MAGI2: variants seen among roughly 807,000 people sequenced by gnomAD.
MAGI2 encodes membrane associated guanylate kinase, WW and PDZ domain containing 2, also known as membrane-associated guanylate kinase, WW and PDZ domain-containing protein 2.
In MAGI2, 35 loss-of-function variants were observed where a neutral mutation model predicts 133.3. The ratio of observed to expected loss-of-function variants is 0.26; its 90% CI spans 0.20 to 0.35. MAGI2 has a LOEUF of 0.35. MAGI2 is among the 10% of genes least tolerant of loss of function. The pLI is 1.00. For synonymous variants in MAGI2, 729 were observed against 710.6 expected, an observed-to-expected ratio of 1.03 and a Z score of -0.41; for missense variants, 1,636 against 1,863.4, an observed-to-expected ratio of 0.88 and a Z score of 2.25.
chr7:78,151,507 G>C (rs946684195), intron 16 of MAGI2, among the ~76,000 whole-genome samples: 2 of 152,100 alleles, frequency 1.3e-5, no homozygotes, highest in Non-Finnish European at 2.9e-5. Flanking sequence ...GGAGAACAAG[G>C]GTTTTGCAAC....
intron 2 of MAGI2, among the ~76,000 whole-genome samples, chr7:78,719,934 A>G (rs1820102025): frequency 6.6e-6 from 1 of 152,162 alleles, no homozygotes; most frequent in Non-Finnish European, 1.5e-5. Flanking sequence ...TATATAATTT[A>G]TCATCTATAA....
chr7:78,691,357 A>G (rs1370109705), intron 2 of MAGI2, among the ~76,000 whole-genome samples: 1 of 152,204 alleles, frequency 6.6e-6, no homozygotes, highest in Non-Finnish European at 1.5e-5. Flanking sequence ...TTACTCCCAG[A>G]GTTTATTGCA....
intron 1 of MAGI2, among the ~76,000 whole-genome samples, chr7:79,288,216 T>G (rs761459432): frequency 6.6e-6 from 1 of 152,158 alleles, no homozygotes; most frequent in African/African-American, 2.4e-5. Flanking sequence ...CACTAACACA[T>G]GTAGTCTTGC....
At chr7:79,403,353 A>G (rs1326278587) in intron 1 of MAGI2, among the ~76,000 whole-genome samples, 1 of 152,110 alleles carries the variant, frequency 6.6e-6, no homozygotes. Context: ...ATCAGCTGTT[A>G]GTTTTTTGAA....
intron 1 of MAGI2, among the ~76,000 whole-genome samples, chr7:79,439,644 C>A (rs1848373738): frequency 6.6e-6 from 1 of 152,096 alleles, no homozygotes; most frequent in South Asian, 2.1e-4. Context: ...CAGGACCCAG[C>A]TTTAGCATGA....
intron 6 of MAGI2, among the ~76,000 whole-genome samples, chr7:78,384,511 A>G (rs1795206132): frequency 6.6e-6 from 1 of 152,214 alleles, no homozygotes; most frequent in African/African-American, 2.4e-5. Flanking sequence ...TGTCATAGGC[A>G]TAATTCATCA....
intron 1 of MAGI2, among the ~76,000 whole-genome samples, chr7:79,435,017 T>C (rs960048137): frequency 6.6e-6 from 1 of 152,218 alleles, no homozygotes; most frequent in African/African-American, 2.4e-5. Context: ...GCATCAGCTC[T>C]TCCTGGCTTT....
intron 7 of MAGI2, among the ~76,000 whole-genome samples, chr7:78,362,158 C>T (rs1447271725): frequency 1.3e-5 from 2 of 151,882 alleles, no homozygotes; most frequent in African/African-American, 4.8e-5. Flanking sequence ...AAAAATTAAC[C>T]GAGTGTGGTA....
chr7:78,711,419 G>A (rs1819177398), intron 2 of MAGI2, among the ~76,000 whole-genome samples: 2 of 152,068 alleles, frequency 1.3e-5, no homozygotes, highest in South Asian at 2.1e-4. Context: ...TGTAAAATGG[G>A]GGCAGGAATA....
At chr7:78,790,554 C>T (rs1827167133) in intron 2 of MAGI2, among the ~76,000 whole-genome samples, 1 of 152,004 alleles carries the variant, frequency 6.6e-6, no homozygotes, top group African/African-American at 2.4e-5. Context: ...ATGCCTCAGC[C>T]TCTCAAATAG....
intron 9 of MAGI2, among the ~76,000 whole-genome samples, chr7:78,290,946 G>T (rs1796641324): frequency 6.6e-6 from 1 of 152,168 alleles, no homozygotes. Context: ...AGTGTGTAGA[G>T]GGAAATTTAT....
intron 9 of MAGI2, among the ~76,000 whole-genome samples, chr7:78,266,876 A>G (rs1012345453): frequency 2.6e-5 from 4 of 152,068 alleles, no homozygotes; most frequent in Admixed American, 6.6e-5. Context: ...CTGGCCAAAA[A>G]ACCCTCTTTT....
chr7:78,928,752 A>G (rs1799896559), intron 2 of MAGI2, among the ~76,000 whole-genome samples: 1 of 152,098 alleles, frequency 6.6e-6, no homozygotes, highest in Non-Finnish European at 1.5e-5. Flanking sequence ...CTGCTTTAAC[A>G]AGAAATGCAC....
intron 1 of MAGI2, among the ~76,000 whole-genome samples, chr7:79,360,610 T>G (rs909148730): frequency 2.6e-5 from 4 of 152,102 alleles, no homozygotes; most frequent in Admixed American, 2.6e-4. Context: ...AAGTGAAGTT[T>G]CCACACTTCA....
intron 10 of MAGI2, among the ~76,000 whole-genome samples, chr7:78,215,903 G>A (rs1277443971): frequency 6.6e-6 from 1 of 152,218 alleles, no homozygotes; most frequent in African/African-American, 2.4e-5. Context: ...TTGCAAGACT[G>A]GGGTAGACTT....
intron 13 of MAGI2, among the ~76,000 whole-genome samples, chr7:78,181,143 C>A (rs947035825): frequency 6.6e-6 from 1 of 152,004 alleles, no homozygotes; most frequent in Non-Finnish European, 1.5e-5. Flanking sequence ...TCTGGCCCGA[C>A]GACATGTTTC....
intron 2 of MAGI2, among the ~76,000 whole-genome samples, chr7:78,638,711 C>T (rs1809945031): frequency 6.6e-6 from 1 of 152,156 alleles, no homozygotes; most frequent in Non-Finnish European, 1.5e-5. Context: ...AGATTCTTGA[C>T]TTGACTATTA....
At chr7:78,435,859 G>A (rs1800234803) in intron 6 of MAGI2, among the ~76,000 whole-genome samples, 1 of 152,132 alleles carries the variant, frequency 6.6e-6, no homozygotes, top group African/African-American at 2.4e-5. Context: ...GAGTTTTTCT[G>A]CTATCCCTTG....
chr7:78,873,394 A>G (rs962353017), intron 2 of MAGI2, among the ~76,000 whole-genome samples: 1 of 151,944 alleles, frequency 6.6e-6, no homozygotes, highest in Non-Finnish European at 1.5e-5. Flanking sequence ...CCTGACCTCC[A>G]TCTCCTGTCA....
Sources: allele counts gnomAD v4.1 joint callset (sites outside exome capture counted in the v4.1 genomes callset), GRCh38; gene constraint gnomAD v4.1.1; transcripts MANE v1.5; gene names NCBI Gene and HGNC (gene_info 2026-07-23, HGNC 2026-07-21).